The following AKAP13 variants were observed in gnomAD, a reference collection of about 807,000 sequenced individuals.
The protein encoded by AKAP13 is A-kinase anchoring protein 13.
A neutral mutation model predicts 264.5 loss-of-function variants in AKAP13; 80 were observed. The observed-to-expected ratio is 0.30, with a 90% CI of 0.25 to 0.36. AKAP13 has a LOEUF of 0.36. Among genes scored for constraint, AKAP13 ranks in the 10% least tolerant of loss-of-function variants. AKAP13 has a pLI of 1.00. For synonymous variants in AKAP13, 1,380 were observed against 1,250.2 expected, an observed-to-expected ratio of 1.10 and a Z score of -2.19; for missense variants, 3,712 against 3,435.2, an observed-to-expected ratio of 1.08 and a Z score of -2.01.
chr15:85,722,380 T>C (rs759988138), intron 25 of AKAP13, 33 bp downstream of exon 25: 9 of 1,540,794 alleles, frequency 5.8e-6, no homozygotes, highest in Non-Finnish European at 7.9e-6. Context: ...TCTTGTATGG[T>C]CATGGACTGT....
chr15:85,604,497 T>C (rs1274698880), intron 8 of AKAP13, among the ~76,000 whole-genome samples: 1 of 151,566 alleles, frequency 6.6e-6, no homozygotes, highest in Non-Finnish European at 1.5e-5. Context: ...GGAGCCTCGC[T>C]CTGTTGCTCA....
rs574773417 is a variant in AKAP13, at chr15:85,546,196, CA to C, written c.662+2248del. Among the ~76,000 whole-genome samples the C allele has an allele frequency of 7.7e-4, 117 of 152,094 alleles. 2 individuals are homozygous for C. Among genetic ancestry groups the C allele is most frequent in the East Asian group, 1.7e-3 (9 of 5,178 alleles). ...CTAAAAAAGAATGTATTTCTCACCACAAAAAAATAAGTAGCTGAGATGATGG... is the reference window on the plus strand; with the variant it reads ...CTAAAAAAGAATGTATTTCTCACCACAAAAAATAAGTAGCTGAGATGATGG... On this transcript the variant is annotated intron_variant, in intron 5 of 36. Coordinates refer to ENST00000394518, the MANE Select transcript of AKAP13 (RefSeq NM_007200.5).
At chr15:85,588,928 A>T (rs575597641) in intron 8 of AKAP13, among the ~76,000 whole-genome samples, 11 of 152,362 alleles carry the variant, frequency 7.2e-5, no homozygotes, top group Admixed American at 2.0e-4. Flanking sequence ...GCTGCGAGAT[A>T]TCAATGCCTT....
chr15:85,432,138 T>C (rs1746387661), intron 1 of AKAP13, among the ~76,000 whole-genome samples: 1 of 152,142 alleles, frequency 6.6e-6, no homozygotes, highest in Non-Finnish European at 1.5e-5. Flanking sequence ...CTAAGAACAA[T>C]GGAAAATAGC....
At chr15:85,383,537 A>G (rs1300738344) in intron 1 of AKAP13, among the ~76,000 whole-genome samples, 3 of 152,216 alleles carry the variant, frequency 2.0e-5, no homozygotes, top group Non-Finnish European at 4.4e-5. Flanking sequence ...TTCTGAGTGT[A>G]GAGGTTTAGC....
chr15:85,692,619 T>G (rs1447843725), intron 16 of AKAP13, among the ~76,000 whole-genome samples: 1 of 152,178 alleles, frequency 6.6e-6, no homozygotes, highest in Non-Finnish European at 1.5e-5. Context: ...CTCCCCTTCT[T>G]ATCAGTCTCC....
intron 1 of AKAP13, among the ~76,000 whole-genome samples, chr15:85,442,500 ATAT>A (rs2150959384): frequency 1.8e-5 from 2 of 109,416 alleles, no homozygotes; most frequent in African/African-American, 7.1e-5. Flanking sequence ...AATATATATT[ATAT>A]TATATATAAT....
At chr15:85,474,648 TTAA>T (rs981340913) in intron 1 of AKAP13, among the ~76,000 whole-genome samples, 12 of 152,346 alleles carry the variant, frequency 7.9e-5, no homozygotes, top group Non-Finnish European at 7.3e-5. Flanking sequence ...GAATTTTCAC[TTAA>T]TTATGACATA....
chr15:85,388,251 G>C (rs1026077543), intron 1 of AKAP13, among the ~76,000 whole-genome samples: 1 of 151,524 alleles, frequency 6.6e-6, no homozygotes, highest in African/African-American at 2.4e-5. Flanking sequence ...CACCATGTTG[G>C]CCAGGCTGGT....
At chr15:85,553,173 A>G (rs1408830181) in intron 5 of AKAP13, among the ~76,000 whole-genome samples, 3 of 138,924 alleles carry the variant, frequency 2.2e-5, no homozygotes, top group African/African-American at 8.2e-5. Context: ...TGCAACCTCC[A>G]CCTCCCAGAT....
intron 29 of AKAP13, 33 bp from the exon 30 acceptor site, chr15:85,730,480 A>G (rs375309277): frequency 2.9e-5 from 47 of 1,605,840 alleles, no homozygotes; most frequent in African/African-American, 2.5e-4. Flanking sequence ...CTAAACACCA[A>G]TCAAATCACA....
chr15:85,715,986 A>C (rs1020046538), intron 20 of AKAP13, 63 bp downstream of exon 20: 43 of 1,539,338 alleles, frequency 2.8e-5, no homozygotes, highest in Non-Finnish European at 3.7e-5. Flanking sequence ...TAATAATCAC[A>C]TCATATGACA....
chr15:85,711,619 G>A (rs2151700210), intron 19 of AKAP13, among the ~76,000 whole-genome samples: 1 of 152,302 alleles, frequency 6.6e-6, no homozygotes, highest in African/African-American at 2.4e-5. Flanking sequence ...AGTTCCCCTA[G>A]AGACAGAATA....
intron 16 of AKAP13, among the ~76,000 whole-genome samples, chr15:85,689,551 T>C (rs1363084197): frequency 6.6e-6 from 1 of 152,232 alleles, no homozygotes; most frequent in African/African-American, 2.4e-5. Flanking sequence ...TTTTGCCAGT[T>C]GTTAAACATG....
chr15:85,735,498 T>G, intron 31 of AKAP13, 62 bp from the exon 32 acceptor site: 1 of 1,543,236 alleles, frequency 6.5e-7, no homozygotes, highest in Non-Finnish European at 8.8e-7. Context: ...TATATGATAT[T>G]CTTTCCTTGG....
chr15:85,722,361 C>A lies in AKAP13; in HGVS notation c.6496+14C>A, dbSNP rs1239524018. 6.3e-7 allele frequency: 1 copy of A among 1,593,528 alleles called. No individual in the cohort carries two copies. The highest frequency in any genetic ancestry group is 8.6e-7 in the Non-Finnish European group (1 of 1,168,910). ...AGTGTACCAAAGGTAAGTCTCCTTT[C>A]TAACTCGGTCTTGTATGGTCATGGA... On this transcript the variant is annotated intron_variant, in intron 25 of 36. Transcript: ENST00000394518.
At chr15:85,591,939 G>A (rs915649939) in intron 8 of AKAP13, among the ~76,000 whole-genome samples, 1 of 151,858 alleles carries the variant, frequency 6.6e-6, no homozygotes, top group African/African-American at 2.4e-5. Context: ...TATGTTCAAG[G>A]ACAACTGTAA....
At chr15:85,452,545 C>T (rs1042457204) in intron 1 of AKAP13, among the ~76,000 whole-genome samples, 3 of 145,078 alleles carry the variant, frequency 2.1e-5, no homozygotes, top group African/African-American at 7.7e-5. Context: ...CAATAGACTT[C>T]TTTACTGCAT....
At chr15:85,420,738 C>T (rs1429547433) in intron 1 of AKAP13, among the ~76,000 whole-genome samples, 1 of 152,114 alleles carries the variant, frequency 6.6e-6, no homozygotes, top group African/African-American at 2.4e-5. Flanking sequence ...GGAAAGGAAG[C>T]TGAAATATTG....
Sources: gnomAD v4.1 joint callset for allele counts (sites outside exome capture counted in the v4.1 genomes callset) on GRCh38, gnomAD v4.1.1 for gene constraint, MANE v1.5 for transcripts, NCBI Gene and HGNC (gene_info 2026-07-23, HGNC 2026-07-21) for gene names.